Variants in COL24A1 observed in about 807,000 individuals in gnomAD.
COL24A1 encodes collagen type XXIV alpha 1 chain.
COL24A1 carries 224 observed loss-of-function variants against 253.9 expected under a neutral mutation model. That is an observed-to-expected ratio of 0.88 (90% CI 0.79 to 0.99). The LOEUF is 0.99. Ranked by LOEUF, COL24A1 falls within the 50% of genes least tolerant of loss-of-function variation. COL24A1 has a pLI of 0.00. For synonymous variants in COL24A1, 685 were observed against 673.7 expected (o/e 1.02, Z -0.26); for missense variants, 2,131 against 2,068.5 (o/e 1.03, Z -0.59).
chr1:85,925,908 T>G (rs112002853), intron 24 of COL24A1, among the ~76,000 whole-genome samples: 2 of 151,878 alleles, frequency 1.3e-5, no homozygotes, highest in Non-Finnish European at 2.9e-5. Context: ...GGGAGAAAAT[T>G]TTTGCAATCT....
chr1:85,740,393 A>G (rs1201679222), intron 57 of COL24A1, among the ~76,000 whole-genome samples: 2 of 152,210 alleles, frequency 1.3e-5, no homozygotes. Flanking sequence ...TATGTAACTT[A>G]TATAAACTCC....
At chr1:85,997,467 C>T (rs1694938914) in intron 19 of COL24A1, among the ~76,000 whole-genome samples, 1 of 152,012 alleles carries the variant, frequency 6.6e-6, no homozygotes. Context: ...ATTCCTATTC[C>T]ATTGCTATTG....
chr1:85,898,051 AGTTT>A (rs559808786), intron 28 of COL24A1, among the ~76,000 whole-genome samples: 33 of 148,084 alleles, frequency 2.2e-4, no homozygotes, highest in East Asian at 5.8e-4. Context: ...ATAAAAAAGT[AGTTT>A]GTTTGGTTAG....
chr1:85,774,765 C>T lies in COL24A1; in HGVS notation c.4374+909G>A, dbSNP rs1003634906. Among the ~76,000 whole-genome samples, 18 of 151,868 alleles carry T rather than the reference C, an allele frequency of 1.2e-4. 1 individual carries two copies. The highest frequency in any genetic ancestry group is 1.2e-3 in the Admixed American group (18 of 15,232). Reference sequence around the variant, plus strand: ...CATCTGTTTGATTCTTCTCTCTTTTCTTCTTTATTAGTCTTGCTAGCGGTC... The same window carrying T: ...CATCTGTTTGATTCTTCTCTCTTTTTTTCTTTATTAGTCTTGCTAGCGGTC... On this transcript the variant is annotated intron_variant, in intron 53 of 59. Coordinates refer to ENST00000370571, the MANE Select transcript of COL24A1 (RefSeq NM_152890.7).
chr1:86,022,535 T>G lies in COL24A1; in HGVS notation c.2202+3A>C. ...TACATAAAATTAATGGTATAAACATTACCTTGTCTCCAGGATACCCGGGTT... is the reference window on the plus strand; with the variant it reads ...TACATAAAATTAATGGTATAAACATGACCTTGTCTCCAGGATACCCGGGTT... On this transcript the variant is annotated splice_donor_region_variant and intron_variant, in intron 17 of 59. Coordinates refer to ENST00000370571, the MANE Select transcript of COL24A1 (RefSeq NM_152890.7). 1 of 1,609,906 alleles carries G rather than the reference T, an allele frequency of 6.2e-7. No individual in the cohort carries two copies. The highest frequency in any genetic ancestry group is 8.5e-7 in the Non-Finnish European group (1 of 1,177,722).
At chr1:86,131,208 T>C (rs1188817777) in intron 2 of COL24A1, among the ~76,000 whole-genome samples, 2 of 152,026 alleles carry the variant, frequency 1.3e-5, no homozygotes, top group Non-Finnish European at 1.5e-5. Flanking sequence ...GCAGGAATTT[T>C]ATAAGAATAT....
At chr1:86,131,262 G>C (rs1240309772) in intron 2 of COL24A1, among the ~76,000 whole-genome samples, 1 of 151,926 alleles carries the variant, frequency 6.6e-6, no homozygotes, top group Admixed American at 6.6e-5. Flanking sequence ...CAGGTGCATA[G>C]TATGATCATT....
chr1:86,096,335 A>T (rs1170960638), intron 5 of COL24A1, among the ~76,000 whole-genome samples: 1 of 152,150 alleles, frequency 6.6e-6, no homozygotes, highest in Non-Finnish European at 1.5e-5. Flanking sequence ...GAATATCACA[A>T]AGGAAACACT....
At position 85,849,354 on chromosome 1, in the gene COL24A1, T is replaced by A; in HGVS notation, c.3353A>T (p.Lys1118Met). ...IPGQRGRPGK[K>M]GDKGQIGPTG... ...GCATAAGAAGATGTAAAAAATTACC[T>A]TTTTTCCTGGACGACCTCTTTGCCC... Residue 1118 changes from lysine to methionine, a missense_variant and splice_region_variant, in exon 38 of 60, where the codon AAG becomes ATG. By Grantham distance (95) the Lys-to-Met change is moderately conservative (BLOSUM62 -1). Coordinates refer to ENST00000370571, the MANE Select transcript of COL24A1 (RefSeq NM_152890.7). 1.9e-6 allele frequency: 3 copies of A among 1,611,726 alleles called. No homozygotes were observed. The highest frequency in any genetic ancestry group is 2.5e-6 in the Non-Finnish European group (3 of 1,178,388).
At chr1:85,992,336 C>T (rs1056271680) in intron 19 of COL24A1, among the ~76,000 whole-genome samples, 5 of 152,134 alleles carry the variant, frequency 3.3e-5, no homozygotes, top group Non-Finnish European at 5.9e-5. Flanking sequence ...TCTCTATTTC[C>T]TTCCCACATA....
chr1:85,909,017 T>C (rs946915305), intron 26 of COL24A1, among the ~76,000 whole-genome samples: 5 of 151,764 alleles, frequency 3.3e-5, no homozygotes, highest in Non-Finnish European at 5.9e-5. Context: ...ATATAGGTTA[T>C]GAAACTATAT....
chr1:86,061,227 A>C (rs1476192695), intron 8 of COL24A1, among the ~76,000 whole-genome samples: 1 of 152,024 alleles, frequency 6.6e-6, no homozygotes, highest in Non-Finnish European at 1.5e-5. Flanking sequence ...TAATTATGAG[A>C]TTTGCTCTAG....
Position 86,012,627 on chromosome 1 carries a change from T to TACTTTCAGCACTGTTTCTCCCC in COL24A1, c.2310+4502_2310+4523dup, listed in dbSNP as rs1214101665. Reference sequence around the variant, plus strand: ...AAATAGAAATAAAAAATCATGTCCCTACTTTCAGCACTGTTTCTCCCCACA... The same window carrying TACTTTCAGCACTGTTTCTCCCC: ...AAATAGAAATAAAAAATCATGTCCCTACTTTCAGCACTGTTTCTCCCCACTTTCAGCACTGTTTCTCCCCACA... On this transcript the variant is annotated intron_variant, in intron 19 of 59. Coordinates refer to ENST00000370571, the MANE Select transcript of COL24A1 (RefSeq NM_152890.7). 1.0e-3 allele frequency among the ~76,000 whole-genome samples: 152 copies of TACTTTCAGCACTGTTTCTCCCC among 152,142 alleles called. No individual in the cohort carries two copies. The Middle Eastern group carries it at 0.014, about 14-fold the overall frequency.
intron 52 of COL24A1, among the ~76,000 whole-genome samples, chr1:85,778,624 G>A (rs1466664417): frequency 7.4e-5 from 8 of 108,770 alleles, no homozygotes; most frequent in Non-Finnish European, 1.2e-4. Context: ...TTTTTTTTGA[G>A]ATGGAGTTTC....
At chr1:85,792,623 G>A (rs1261422941) in intron 47 of COL24A1, among the ~76,000 whole-genome samples, 2 of 151,558 alleles carry the variant, frequency 1.3e-5, no homozygotes, top group Admixed American at 6.6e-5. Context: ...TGAGAGAATC[G>A]CTTGAGCCCA....
intron 32 of COL24A1, among the ~76,000 whole-genome samples, chr1:85,889,055 AATC>A (rs1322148360): frequency 6.6e-6 from 1 of 152,098 alleles, no homozygotes; most frequent in East Asian, 1.9e-4. Flanking sequence ...TCCATAATTG[AATC>A]ATATTTATGA....
intron 12 of COL24A1, among the ~76,000 whole-genome samples, chr1:86,040,230 C>T (rs1175583838): frequency 6.6e-6 from 1 of 152,034 alleles, no homozygotes; most frequent in Non-Finnish European, 1.5e-5. Context: ...AATCCCTGAG[C>T]CCAACCTAGG....
At chr1:86,094,961 A>T (rs889643405) in intron 5 of COL24A1, among the ~76,000 whole-genome samples, 2 of 152,002 alleles carry the variant, frequency 1.3e-5, no homozygotes, top group Non-Finnish European at 2.9e-5. Context: ...TTCTTGTATC[A>T]CAATGCCTAT....
intron 14 of COL24A1, among the ~76,000 whole-genome samples, chr1:86,023,366 T>C (rs962825760): frequency 1.3e-5 from 2 of 152,188 alleles, no homozygotes; most frequent in African/African-American, 4.8e-5. Flanking sequence ...AGTCAACAGA[T>C]ACTTCATTTG....
Sources: gnomAD v4.1 joint callset for allele counts (sites outside exome capture counted in the v4.1 genomes callset) on GRCh38, gnomAD v4.1.1 for gene constraint, MANE v1.5 for transcripts, NCBI Gene and HGNC (gene_info 2026-07-23, HGNC 2026-07-21) for gene names.